Variants in DEFA4 observed in about 807,000 individuals in gnomAD.
DEFA4 encodes the protein corticostatin.
A neutral mutation model predicts 4.4 loss-of-function variants in DEFA4; 8 were observed. That is an observed-to-expected ratio of 1.82 (90% confidence interval 1.07 to 3.29). DEFA4 has a LOEUF of 3.29. DEFA4 is among the 30% of genes most tolerant of loss of function. The probability of loss-of-function intolerance (pLI) is 0.00; values close to 1 mark genes in which losing one functional copy is unlikely to be tolerated. For synonymous variants in DEFA4, 77 were observed against 46.5 expected, an observed-to-expected ratio of 1.66 and a Z score of -2.67; for missense variants, 216 against 127.0, an observed-to-expected ratio of 1.70 and a Z score of -3.37.
chr8:6,936,831 C>T lies in DEFA4; in HGVS notation c.69G>A (p.Gln23=). ...VALQVRAGPL[Q]ARGDEAPGQE... is the part of the protein sequence containing the mutation. ...GGCCTGGAGCCTCATCACCTCTTGCCTGGAGTGGGCCTGCCCGGACCTGGA... is the reference window on the plus strand; with the variant it reads ...GGCCTGGAGCCTCATCACCTCTTGCTTGGAGTGGGCCTGCCCGGACCTGGA... Residue 23 remains glutamine, a synonymous_variant, in exon 2 of 3, where the codon CAG becomes CAA. Coordinates refer to ENST00000297435, the MANE Select transcript of DEFA4 (RefSeq NM_001925.3). The T allele has an allele frequency of 1.9e-6, 3 of 1,613,560 alleles. No individual in the cohort carries two copies. Among genetic ancestry groups the T allele is most frequent in the Non-Finnish European group, 2.5e-6 (3 of 1,179,784 alleles).
chr8:6,936,611 C>T (rs946850257), intron 2 of DEFA4, 117 bp downstream of exon 2: 1 of 1,063,348 alleles, frequency 9.4e-7, no homozygotes, highest in Non-Finnish European at 1.3e-6. Flanking sequence ...AAAATCGAGG[C>T]CCAGAGATGG....
chr8:6,936,848 G>A lies in DEFA4; in HGVS notation c.52C>T (p.Arg18Trp), dbSNP rs770913371. The A allele has an allele frequency of 1.2e-5, 20 of 1,612,534 alleles. No homozygotes were observed. Among genetic ancestry groups the A allele is most frequent in the Middle Eastern group, 3.3e-4 (2 of 6,050 alleles). ...AAILLVALQV[R>W]AGPLQARGDE... is the part of the protein sequence containing the mutation. ...CCTCTTGCCTGGAGTGGGCCTGCCC[G>A]GACCTGGAGGGCTACCAAGAGAATA... The change falls in exon 2 of 3, where the codon CGG becomes TGG. Residue 18 changes from arginine (R) to tryptophan (W), a missense_variant. By Grantham distance (101) the Arg-to-Trp change is moderately radical (BLOSUM62 -3). Coordinates refer to ENST00000297435, the MANE Select transcript of DEFA4 (RefSeq NM_001925.3).
chr8:6,937,439 G>T (rs1391493151), intron 1 of DEFA4, among the ~76,000 whole-genome samples: 2 of 152,120 alleles, frequency 1.3e-5, no homozygotes, highest in African/African-American at 4.8e-5. Context: ...GTAGTCTCCT[G>T]TAGGGGCCAG....
chr8:6,937,654 A>G (rs1048573619), intron 1 of DEFA4, among the ~76,000 whole-genome samples: 1 of 152,184 alleles, frequency 6.6e-6, no homozygotes, highest in Non-Finnish European at 1.5e-5. Context: ...AAGCACATAC[A>G]AAGATAAAGC....
At chr8:6,936,972 C>G in intron 1 of DEFA4, 61 bp from the exon 2 acceptor site, 3 of 1,366,118 alleles carry the variant, frequency 2.2e-6, no homozygotes, top group South Asian at 1.7e-5. Context: ...GGATTTATAG[C>G]TTTGCTGGGA....
At chr8:6,937,133 C>G (rs1808892476) in intron 1 of DEFA4, among the ~76,000 whole-genome samples, 3 of 152,084 alleles carry the variant, frequency 2.0e-5, no homozygotes, top group Admixed American at 2.0e-4. Flanking sequence ...TGTTTAGTGT[C>G]TGTGCTAGGT....
rs767468882 is a variant in DEFA4 at position 6,936,791 on chromosome 8, G to A, written c.109C>T (p.Pro37Ser). Residue 37 changes from proline (P) to serine (S), a missense_variant, in exon 2 of 3, where the codon CCA becomes TCA. Physicochemically the swap from Pro to Ser is moderately conservative, Grantham distance 74 (BLOSUM62 -1). Coordinates refer to ENST00000297435, the MANE Select transcript of DEFA4 (RefSeq NM_001925.3). ...DEAPGQEQRG[P>S]EDQDISISFA... ...GAAATAGATATGTCCTGGTCTTCTG[G>A]CCCACGCTGCTCCTGGCCTGGAGCC... The A allele has an allele frequency of 7.4e-6, 12 of 1,613,608 alleles. 1 individual carries two copies. The East Asian group carries it at 2.2e-4, about 30-fold the overall frequency.
chr8:6,937,640 C>T (rs1314034589), intron 1 of DEFA4, among the ~76,000 whole-genome samples: 6 of 152,228 alleles, frequency 3.9e-5, no homozygotes, highest in South Asian at 4.2e-4. Flanking sequence ...CATACAACTA[C>T]GAGAAGCACA....
intron 1 of DEFA4, among the ~76,000 whole-genome samples, 154 bp downstream of exon 1, chr8:6,938,071 AC>A (rs1278544001): frequency 1.8e-4 from 27 of 152,236 alleles, no homozygotes; most frequent in African/African-American, 6.3e-4. Flanking sequence ...AGTAGCCATT[AC>A]CCCCAGCAGC....
At chr8:6,936,242 G>A in intron 2 of DEFA4, 101 bp from the exon 3 acceptor site, 1 of 1,488,624 alleles carries the variant, frequency 6.7e-7, no homozygotes, top group Non-Finnish European at 9.2e-7. Flanking sequence ...CGGTGATGCT[G>A]GCTGCATTAG....
At chr8:6,936,943 G>T in intron 1 of DEFA4, 32 bp from the exon 2 acceptor site, 1 of 1,487,756 alleles carries the variant, frequency 6.7e-7, no homozygotes, top group Non-Finnish European at 9.0e-7. Flanking sequence ...CAGCTGTGTG[G>T]GGAGGGAGAA....
chr8:6,936,656 G>A (rs951322823), intron 2 of DEFA4, 72 bp downstream of exon 2: 110 of 1,419,926 alleles, frequency 7.7e-5, no homozygotes, highest in Non-Finnish European at 1.0e-4. Context: ...CCACCATTGA[G>A]ATGTGATTCC....
intron 1 of DEFA4, among the ~76,000 whole-genome samples, chr8:6,937,302 G>T (rs1355975114): frequency 6.6e-6 from 1 of 152,102 alleles, no homozygotes; most frequent in African/African-American, 2.4e-5. Flanking sequence ...CTGATAATGG[G>T]CCCTACTATT....
chr8:6,937,719 A>G (rs1808918162), intron 1 of DEFA4, among the ~76,000 whole-genome samples: 1 of 152,212 alleles, frequency 6.6e-6, no homozygotes, highest in Non-Finnish European at 1.5e-5. Flanking sequence ...AGGCACAGGC[A>G]ATAAACAAAT....
In DEFA4 at chr8:6,936,080, A is replaced by G. The variant is rs1808837038; in HGVS notation, c.234T>C (p.Arg78=). The change falls in exon 3 of 3, where the codon CGT becomes CGC. Residue 78 remains arginine (R), a synonymous_variant. Coordinates refer to ENST00000297435, the MANE Select transcript of DEFA4 (RefSeq NM_001925.3). ...RLVFCRRTEL[R]VGNCLIGGVS... ...CACCACCAATGAGGCAGTTCCCAAC[A>G]CGAAGTTCTGTTCGCCGGCAGAATA... The G allele has an allele frequency of 6.2e-7, 1 of 1,614,090 alleles. No individual in the cohort carries two copies. Among genetic ancestry groups the G allele is most frequent in the East Asian group, 2.2e-5 (1 of 44,884 alleles).
At chr8:6,936,248 A>G (rs968533870) in intron 2 of DEFA4, 107 bp from the exon 3 acceptor site, 5 of 1,448,850 alleles carry the variant, frequency 3.5e-6, no homozygotes, top group East Asian at 2.4e-5. Context: ...TGCTGGCTGC[A>G]TTAGTGCCGG....
Position 6,935,977 on chromosome 8 carries a change from A to G in DEFA4, c.*43T>C. 3.7e-6 allele frequency: 6 copies of G among 1,611,878 alleles called. No homozygotes were observed. The highest frequency in any genetic ancestry group is 1.3e-5 in the African/African-American group (1 of 75,034). On this transcript the variant is annotated 3_prime_UTR_variant, in exon 3 of 3. Coordinates refer to ENST00000297435, the MANE Select transcript of DEFA4 (RefSeq NM_001925.3). The stretch of plus-strand genomic sequence containing the variant: ...GAAGCATGTGAAGCTAACACCACCG[A>G]TGATGGCGTTCCCAGCATGACATTC...
intron 1 of DEFA4, among the ~76,000 whole-genome samples, chr8:6,937,383 T>C (rs1808901287): frequency 6.6e-6 from 1 of 152,092 alleles, no homozygotes; most frequent in Non-Finnish European, 1.5e-5. Flanking sequence ...TGCAGGCTTC[T>C]AGGTCATTAT....
At position 6,936,713 on chromosome 8, in the gene DEFA4, G is replaced by A. The variant is rs763074734; in HGVS notation, c.172+15C>T. ...TCTCTAGACTCGGTAGCTTTTTTAT[G>A]CTGGCCTCTCTCACCTGAAACCTGA... On this transcript the variant is annotated intron_variant, in intron 2 of 2. Transcript: ENST00000297435. The A allele has an allele frequency of 1.3e-6, 2 of 1,573,306 alleles. No homozygotes were observed. The highest frequency in any genetic ancestry group is 1.7e-6 in the Non-Finnish European group (2 of 1,155,254).
Sources: gnomAD v4.1 joint callset for allele counts (sites outside exome capture counted in the v4.1 genomes callset) on GRCh38, gnomAD v4.1.1 for gene constraint, MANE v1.5 for transcripts, NCBI Gene and HGNC (gene_info 2026-07-23, HGNC 2026-07-21) for gene names.